OPN3: variants seen among roughly 807,000 people sequenced by gnomAD.
The protein encoded by OPN3 is opsin-3.
Under a neutral mutation model 33.8 loss-of-function variants are expected in OPN3, and 29 were observed. The ratio of observed to expected loss-of-function variants is 0.86; its 90% CI spans 0.64 to 1.17. The LOEUF (loss-of-function observed/expected upper bound fraction) is 1.17, where lower values mean the gene tolerates loss of function less well. Among genes scored for constraint, OPN3 ranks in the 50% most tolerant of loss-of-function variants. The probability of loss-of-function intolerance (pLI) is 0.00; values close to 1 mark genes in which losing one functional copy is unlikely to be tolerated. For synonymous variants in OPN3, 216 were observed against 216.1 expected (o/e 1.00, Z 0.00); for missense variants, 437 against 514.1 (o/e 0.85, Z 1.45).
At chr1:241,602,771 C>T (rs1341252828) in intron 2 of OPN3, among the ~76,000 whole-genome samples, 1 of 152,142 alleles carries the variant, frequency 6.6e-6, no homozygotes, top group African/African-American at 2.4e-5. Context: ...ACCCTAATTA[C>T]CTCCCAAGGC....
rs772149974 is a variant in OPN3, at chr1:241,594,603, A to G, written c.1034T>C (p.Met345Thr). Residue 345 changes from methionine to threonine, a missense_variant, in exon 4 of 4, where the codon ATG (methionine) becomes ACG (threonine). Physicochemically the swap from Met to Thr is moderately conservative, Grantham distance 81. Transcript: ENST00000366554. ...TGACATCACAATGGGTCTGATCTGC[A>G]TTTCACTTCCAGCTGCTGGTAGGTC... ...AKDLPAAGSE[M>T]QIRPIVMSQK... 2 of 1,614,066 alleles carry G rather than the reference A, an allele frequency of 1.2e-6. No homozygotes were observed. The highest frequency in any genetic ancestry group is 8.5e-7 in the Non-Finnish European group (1 of 1,179,994).
chr1:241,603,678 G>T (rs1008739919), intron 2 of OPN3, among the ~76,000 whole-genome samples: 1 of 152,212 alleles, frequency 6.6e-6, no homozygotes, highest in African/African-American at 2.4e-5. Context: ...CAAGAGACTA[G>T]AGACAGAAGC....
At chr1:241,631,549 AG>A (rs1664633727) in intron 1 of OPN3, 1 of 149,028 alleles carries the variant, frequency 6.7e-6, no homozygotes, top group African/African-American at 2.6e-5. Flanking sequence ...TGCTACTTTA[AG>A]TAAGTTGTCA....
At chr1:241,609,297 C>G (rs897877725) in intron 1 of OPN3, among the ~76,000 whole-genome samples, 2 of 152,336 alleles carry the variant, frequency 1.3e-5, no homozygotes, top group South Asian at 4.1e-4. Flanking sequence ...GAAAGAAGGT[C>G]TGTGGCTCCA....
intron 1 of OPN3, among the ~76,000 whole-genome samples, chr1:241,607,315 G>C (rs1663858111): frequency 6.6e-6 from 1 of 152,112 alleles, no homozygotes; most frequent in African/African-American, 2.4e-5. Flanking sequence ...AGGAGTTCAA[G>C]ACCAGCCTGG....
intron 1 of OPN3, 77 bp downstream of exon 1, chr1:241,639,805 C>A: frequency 7.9e-7 from 1 of 1,268,430 alleles, no homozygotes; most frequent in South Asian, 1.7e-5. Flanking sequence ...GGCTGGGGGG[C>A]GGACGCACGG....
intron 1 of OPN3, chr1:241,633,959 G>T (rs1190257065): frequency 6.2e-7 from 1 of 1,613,912 alleles, no homozygotes; most frequent in South Asian, 1.1e-5. Context: ...GAATTCTTCA[G>T]TTGGAAAGAT....
intron 1 of OPN3, among the ~76,000 whole-genome samples, chr1:241,608,942 G>T (rs1454310164): frequency 6.6e-6 from 1 of 152,156 alleles, no homozygotes; most frequent in African/African-American, 2.4e-5. Flanking sequence ...AAAATATGCA[G>T]CCCTTCTCCC....
chr1:241,597,126 G>A (rs1414532482), intron 3 of OPN3, among the ~76,000 whole-genome samples: 1 of 152,038 alleles, frequency 6.6e-6, no homozygotes, highest in African/African-American at 2.4e-5. Flanking sequence ...CACCACACCA[G>A]GCCCAGGAAG....
rs574155329 is a variant in OPN3, at chr1:241,621,122, C to A, written c.374-16543G>T. 2.0e-5 allele frequency among the ~76,000 whole-genome samples: 3 copies of A among 152,194 alleles called. No homozygotes were observed. In the South Asian group the frequency reaches 6.2e-4, roughly 32 times the overall value. ...GAATTTTATCTGCAATATTTTAATT[C>A]TTTAGATAAAAACAAATATAGAAAT... On this transcript the variant is annotated intron_variant, in intron 1 of 3. Coordinates refer to ENST00000366554, the MANE Select transcript of OPN3 (RefSeq NM_014322.3).
chr1:241,636,143 T>C (rs1573969372), intron 1 of OPN3: 2 of 415,000 alleles, frequency 4.8e-6, no homozygotes, highest in Non-Finnish European at 8.5e-6. Flanking sequence ...CATGCAACAA[T>C]GACAATCCAT....
chr1:241,635,504 G>C (rs1297595411), intron 1 of OPN3: 11 of 1,613,906 alleles, frequency 6.8e-6, no homozygotes, highest in Non-Finnish European at 9.3e-6. Context: ...CTTGCGAAGA[G>C]TGATGGCTTC....
rs113043795 is a variant in OPN3 at position 241,611,235 on chromosome 1, T to C, written c.374-6656A>G. Among the ~76,000 whole-genome samples the C allele has an allele frequency of 6.4e-3, 969 of 152,234 alleles. 14 individuals are homozygous for C. The highest frequency in any genetic ancestry group is 0.022 in the African/African-American group (925 of 41,550). Reference sequence around the variant, plus strand: ...TTATTTATAGTTCAAGTATCTAGACTGGGGTAAGCAAGTTCACACTAAACA... The same window carrying C: ...TTATTTATAGTTCAAGTATCTAGACCGGGGTAAGCAAGTTCACACTAAACA... On this transcript the variant is annotated intron_variant, in intron 1 of 3. Coordinates refer to ENST00000366554, the MANE Select transcript of OPN3 (RefSeq NM_014322.3).
At chr1:241,631,891 T>C (rs1381601624) in intron 1 of OPN3, 1 of 152,168 alleles carries the variant, frequency 6.6e-6, no homozygotes, top group African/African-American at 2.4e-5. Context: ...TAACAGTGAA[T>C]GTTAGTAGAA....
intron 1 of OPN3, among the ~76,000 whole-genome samples, chr1:241,606,804 GAAGT>G (rs1663843591): frequency 6.6e-6 from 1 of 152,186 alleles, no homozygotes; most frequent in Admixed American, 6.5e-5. Context: ...GGTCTCCTGA[GAAGT>G]AAGGGAGAAA....
At chr1:241,617,476 G>A (rs1664162874) in intron 1 of OPN3, among the ~76,000 whole-genome samples, 1 of 152,194 alleles carries the variant, frequency 6.6e-6, no homozygotes, top group African/African-American at 2.4e-5. Context: ...AAATATGAGG[G>A]AATCTCAGAG....
At position 241,604,419 on chromosome 1, in the gene OPN3, C is replaced by T. The variant is rs183817781; in HGVS notation, c.534G>A (p.Arg178=). 2.5e-6 allele frequency: 4 copies of T among 1,614,174 alleles called. No homozygotes were observed. The African/African-American group carries it at 4.0e-5, about 16-fold the overall frequency. Residue 178 remains arginine, a synonymous_variant, in exon 2 of 4, where the codon AGG becomes AGA. Transcript: ENST00000366554. The part of the protein sequence containing the change: ...WAGAPLLGWN[R]YILDVHGLGC... ...CTAGTCCGTGTACGTCCAGGATGTACCTGTTCCATCCCAGGAGAGGTGCTC... is the reference window on the plus strand; with the variant it reads ...CTAGTCCGTGTACGTCCAGGATGTATCTGTTCCATCCCAGGAGAGGTGCTC...
rs1664902940 is a variant in OPN3 at position 241,636,485 on chromosome 1, C to A, written c.373+3397G>T. Among the ~76,000 whole-genome samples, 3 of 152,286 alleles carry A rather than the reference C, an allele frequency of 2.0e-5. No homozygotes were observed. In the South Asian group the frequency reaches 6.2e-4, roughly 32 times the overall value. The stretch of plus-strand genomic sequence containing the variant: ...CATACTGCCATGATTCAAAATATTT[C>A]TGTGGCCATTACAGTCTATGTGTGA... On this transcript the variant is annotated intron_variant, in intron 1 of 3. Transcript: ENST00000366554.
At chr1:241,633,481 A>T (rs1664727064) in intron 1 of OPN3, 1 of 248,650 alleles carries the variant, frequency 4.0e-6, no homozygotes, top group African/African-American at 2.3e-5. Context: ...TCATTAGCAA[A>T]TACATTACCT....
Sources: allele counts gnomAD v4.1 joint callset (sites outside exome capture counted in the v4.1 genomes callset), GRCh38; gene constraint gnomAD v4.1.1; transcripts MANE v1.5; gene names NCBI Gene and HGNC (gene_info 2026-07-23, HGNC 2026-07-21).